Variants in PVT1 observed in about 807,000 individuals in gnomAD.
The protein encoded by PVT1 is Pvt1 oncogene.
intron 3 of PVT1, among the ~76,000 whole-genome samples, chr8:127,935,818 C>A (rs1194354899): frequency 6.6e-6 from 1 of 152,170 alleles, no homozygotes; most frequent in African/African-American, 2.4e-5. Context: ...GCAGTACGTG[C>A]TCTGATGATC....
chr8:128,072,310 A>G (rs546229585), intron 5 of PVT1, among the ~76,000 whole-genome samples: 1 of 152,322 alleles, frequency 6.6e-6, no homozygotes, highest in South Asian at 2.1e-4. Context: ...GGCTGGGGAC[A>G]TGGATACTGG....
intron 4 of PVT1, among the ~76,000 whole-genome samples, chr8:128,004,510 G>A (rs148850641): frequency 1.3e-5 from 2 of 152,210 alleles, no homozygotes; most frequent in African/African-American, 2.4e-5. Context: ...AGCAAAGCCC[G>A]GGGCACAATC....
intron 4 of PVT1, among the ~76,000 whole-genome samples, chr8:128,010,829 C>T (rs1411748786): frequency 1.3e-5 from 2 of 152,198 alleles, no homozygotes; most frequent in Non-Finnish European, 2.9e-5. Flanking sequence ...CTCACTACAA[C>T]AGCAGAAAAC....
rs1393981302 is a variant in PVT1, at chr8:127,980,820, CAG to C, written n.783-8339_783-8338del. 2.8e-3 allele frequency among the ~76,000 whole-genome samples: 350 copies of C among 126,370 alleles called. 10 individuals are homozygous for C. In the East Asian group the frequency reaches 0.067, roughly 24 times the overall value. 82.9% of individuals were successfully genotyped at this position (126,370 alleles called of 152,430 possible). ...TTTTTTTTTTTTTTTTTGTTTGAGA[CAG>C]AGTCTCGCTCTGTTGCCCAGGATAT... On this transcript the variant is annotated intron_variant and non_coding_transcript_variant, in intron 3 of 10. Coordinates refer to ENST00000651587, the Ensembl canonical transcript of PVT1.
chr8:128,074,928 G>A (rs778741777), intron 5 of PVT1, among the ~76,000 whole-genome samples: 7 of 152,190 alleles, frequency 4.6e-5, no homozygotes, highest in Non-Finnish European at 7.3e-5. Context: ...TAAACCATAT[G>A]TACTGATAAA....
chr8:128,006,893 C>T (rs1251765806), intron 4 of PVT1, among the ~76,000 whole-genome samples: 1 of 152,150 alleles, frequency 6.6e-6, no homozygotes, highest in Non-Finnish European at 1.5e-5. Context: ...TTTTTGAGCA[C>T]TGCCTTACCT....
chr8:127,953,579 T>C (rs1268369930), intron 3 of PVT1, among the ~76,000 whole-genome samples: 1 of 152,158 alleles, frequency 6.6e-6, no homozygotes, highest in Non-Finnish European at 1.5e-5. Flanking sequence ...AACAGCACTA[T>C]CCACACCCCT....
chr8:127,818,873 C>T (rs1186461172), intron 2 of PVT1, among the ~76,000 whole-genome samples: 1 of 135,400 alleles, frequency 7.4e-6, no homozygotes, highest in Admixed American at 7.8e-5. Flanking sequence ...TGGTTATTCT[C>T]TCTCTCTCTC....
intron 4 of PVT1, among the ~76,000 whole-genome samples, chr8:128,053,456 TTA>T (rs1368806382): frequency 6.7e-6 from 1 of 149,648 alleles, no homozygotes; most frequent in African/African-American, 2.4e-5. Context: ...TATATGGGTA[TTA>T]TATATATAGG....
At chr8:127,943,295 G>C (rs1053796786) in intron 3 of PVT1, among the ~76,000 whole-genome samples, 35 of 152,178 alleles carry the variant, frequency 2.3e-4, no homozygotes, top group Admixed American at 1.8e-3. Flanking sequence ...ATCAATTCCA[G>C]CCCAGCCCTT....
At chr8:127,966,209 A>G (rs984625878) in intron 3 of PVT1, among the ~76,000 whole-genome samples, 3 of 152,208 alleles carry the variant, frequency 2.0e-5, no homozygotes, top group Non-Finnish European at 4.4e-5. Context: ...TGATCCTGCC[A>G]CTGTATGGTA....
intron 2 of PVT1, among the ~76,000 whole-genome samples, chr8:127,836,628 T>A (rs1160991584): frequency 6.6e-6 from 1 of 152,186 alleles, no homozygotes; most frequent in East Asian, 1.9e-4. Context: ...TAACTCTGAC[T>A]GCTAATAATA....
intron 3 of PVT1, chr8:127,948,865 G>C (rs912588039): frequency 3.3e-5 from 5 of 152,202 alleles, no homozygotes; most frequent in Non-Finnish European, 7.3e-5. Context: ...CAGCCCTGGC[G>C]GATCAATACA....
intron 2 of PVT1, among the ~76,000 whole-genome samples, chr8:127,877,397 T>C (rs1255440263): frequency 6.6e-6 from 1 of 152,204 alleles, no homozygotes; most frequent in Non-Finnish European, 1.5e-5. Context: ...GTTTTCTTTG[T>C]GACTGGTGAC....
At chr8:127,911,125 G>A (rs529662522) in intron 3 of PVT1, among the ~76,000 whole-genome samples, 16 of 152,246 alleles carry the variant, frequency 1.1e-4, no homozygotes, top group African/African-American at 3.6e-4. Flanking sequence ...TCTTCCTCCT[G>A]CCCTGAACCG....
chr8:127,813,209 A>ATATATATATAT (rs1814619635), intron 2 of PVT1, among the ~76,000 whole-genome samples: 1 of 145,996 alleles, frequency 6.8e-6, no homozygotes, highest in Non-Finnish European at 1.5e-5. Flanking sequence ...TATAATATAC[A>ATATATATATAT]AATATATATA....
chr8:127,838,989 C>T lies in PVT1; in HGVS notation n.372+42918C>T, dbSNP rs1171869194. Among the ~76,000 whole-genome samples, 3 of 152,130 alleles carry T rather than the reference C, an allele frequency of 2.0e-5. No individual in the cohort carries two copies. The East Asian group carries it at 5.8e-4, about 29-fold the overall frequency. On this transcript the variant is annotated intron_variant and non_coding_transcript_variant, in intron 2 of 10. Transcript: ENST00000651587. ...ATTGTATTAAGTTGACTCCGATGTT[C>T]AGTACAGTAACATGCCATTCAGGAC... is the stretch of plus-strand genomic sequence containing the variant.
intron 2 of PVT1, among the ~76,000 whole-genome samples, chr8:127,859,690 A>T (rs1308550905): frequency 3.3e-5 from 5 of 151,974 alleles, no homozygotes; most frequent in African/African-American, 1.2e-4. Context: ...CTGAACTTGG[A>T]GAAATCTGTG....
chr8:127,794,544 G>T (rs1814371958), exon 1 of PVT1: 1 of 151,576 alleles, frequency 6.6e-6, no homozygotes, highest in Admixed American at 6.6e-5. Context: ...TCCGGGCAGA[G>T]CGCGTGTGGC....
Sources: gnomAD v4.1 joint callset for allele counts (sites outside exome capture counted in the v4.1 genomes callset) on GRCh38, gnomAD v4.1.1 for gene constraint, MANE v1.5 for transcripts, NCBI Gene and HGNC (gene_info 2026-07-23, HGNC 2026-07-21) for gene names.